The following CAPRIN1 variants were observed in gnomAD, a reference collection of about 807,000 sequenced individuals.
CAPRIN1 encodes cell cycle associated protein 1.
CAPRIN1 carries 29 observed loss-of-function variants against 100.9 expected under a neutral mutation model. That is an observed-to-expected ratio of 0.29 (90% CI 0.21 to 0.39). CAPRIN1 has a LOEUF of 0.39. CAPRIN1 is among the 10% of genes least tolerant of loss of function. The pLI is 1.00. For synonymous variants in CAPRIN1, 338 were observed against 307.5 expected (o/e 1.10, Z -1.04); for missense variants, 795 against 876.7 (o/e 0.91, Z 1.18).
intron 18 of CAPRIN1, chr11:34,099,015 C>T: frequency 7.8e-7 from 1 of 1,278,640 alleles, no homozygotes; most frequent in Non-Finnish European, 1.0e-6. Flanking sequence ...GATGATGGTG[C>T]CTGGCACATA....
At chr11:34,074,680 C>T (rs962544720) in intron 4 of CAPRIN1, among the ~76,000 whole-genome samples, 10 of 152,158 alleles carry the variant, frequency 6.6e-5, no homozygotes, top group Admixed American at 2.6e-4. Flanking sequence ...GTCAGAAGTT[C>T]GAGACCAGCC....
In CAPRIN1 at chr11:34,071,942, G is replaced by A. The variant is rs1252386202; in HGVS notation, c.321G>A (p.Glu107=). ...ACCAGGAAGTCACAAATAATTTGGA[G>A]TTTGCAAAAGAATTACAGAGGAGTT... The part of the protein sequence containing the change: ...SKYQEVTNNL[E]FAKELQRSFM... The change falls in exon 4 of 19, where the codon GAG becomes GAA. Residue 107 remains glutamate, a synonymous_variant. Coordinates refer to ENST00000341394, the MANE Select transcript of CAPRIN1 (RefSeq NM_005898.5). The A allele has an allele frequency of 6.2e-7, 1 of 1,613,350 alleles. No individual in the cohort carries two copies. Among genetic ancestry groups the A allele is most frequent in the Non-Finnish European group, 8.5e-7 (1 of 1,179,614 alleles).
At position 34,101,995 on chromosome 11, in the gene CAPRIN1, G is replaced by A. The variant is rs1420480231; in HGVS notation, c.*2628G>A. On this transcript the variant is annotated 3_prime_UTR_variant, in exon 19 of 19. Transcript: ENST00000341394. Reference sequence around the variant, plus strand: ...AATGTTATTGATTACCTTGATTAGGGCAGTTTTATTTCCAGATCCTAATAA... The same window carrying A: ...AATGTTATTGATTACCTTGATTAGGACAGTTTTATTTCCAGATCCTAATAA... Among the ~76,000 whole-genome samples, 2 of 151,986 alleles carry A rather than the reference G, an allele frequency of 1.3e-5. No individual in the cohort carries two copies. Among genetic ancestry groups the A allele is most frequent in the African/African-American group, 2.4e-5 (1 of 41,356 alleles).
intron 4 of CAPRIN1, 108 bp downstream of exon 4, chr11:34,072,095 C>A: frequency 1.5e-6 from 1 of 653,876 alleles, no homozygotes; most frequent in Non-Finnish European, 2.7e-6. Flanking sequence ...ACAGTTGTAT[C>A]CAATTATATC....
intron 6 of CAPRIN1, 27 bp downstream of exon 6, chr11:34,076,669 T>A: frequency 7.0e-7 from 1 of 1,438,762 alleles, no homozygotes; most frequent in Non-Finnish European, 9.7e-7. Context: ...TAACTTTGAT[T>A]TTATAACTAG....
At position 34,080,082 on chromosome 11, in the gene CAPRIN1, C is replaced by T. The variant is rs557679075; in HGVS notation, c.826+317C>T. Among the ~76,000 whole-genome samples, 3 of 152,056 alleles carry T rather than the reference C, an allele frequency of 2.0e-5. No homozygotes were observed. In the South Asian group the frequency reaches 6.3e-4, roughly 32 times the overall value. The stretch of plus-strand genomic sequence containing the variant: ...GTGACTACAGGCGCCCGCCACCACG[C>T]CCGGCTATTTTTTTGAATTTTTAGT... On this transcript the variant is annotated intron_variant, in intron 7 of 18. Coordinates refer to ENST00000341394, the MANE Select transcript of CAPRIN1 (RefSeq NM_005898.5).
At chr11:34,086,525 C>T in intron 11 of CAPRIN1, 112 bp downstream of exon 11, 1 of 602,818 alleles carries the variant, frequency 1.7e-6, no homozygotes, top group Non-Finnish European at 2.9e-6. Context: ...TTAATTTTGA[C>T]TCTTAGGTCT....
intron 2 of CAPRIN1, 171 bp downstream of exon 2, chr11:34,052,807 C>T: frequency 6.9e-7 from 1 of 1,449,154 alleles, no homozygotes; most frequent in Non-Finnish European, 9.1e-7. Flanking sequence ...GAGCTTCGTG[C>T]CCAGAAAACG....
intron 2 of CAPRIN1, among the ~76,000 whole-genome samples, chr11:34,064,995 T>A (rs1850659025): frequency 1.4e-5 from 2 of 140,208 alleles, no homozygotes; most frequent in Non-Finnish European, 3.0e-5. Context: ...AGTCTCGCTC[T>A]GTTGCCCAGG....
chr11:34,054,672 C>T (rs1423889759), intron 2 of CAPRIN1, among the ~76,000 whole-genome samples: 2 of 152,158 alleles, frequency 1.3e-5, no homozygotes, highest in African/African-American at 4.8e-5. Context: ...CCTGATCCGC[C>T]CGCCTTGGTC....
At chr11:34,079,904 AGTTTTTTTTTTTTTTTTTTTT>A in intron 7 of CAPRIN1, 139 bp downstream of exon 7, 2 of 496,814 alleles carry the variant, frequency 4.0e-6, no homozygotes, top group Non-Finnish European at 6.3e-6. Flanking sequence ...AGCATGACAA[AGTTTTTTTTTTTTTTTTTTTT>A]TTTTTTTTTT....
chr11:34,061,397 C>T (rs1240378918), intron 2 of CAPRIN1, among the ~76,000 whole-genome samples: 4 of 151,488 alleles, frequency 2.6e-5, no homozygotes, highest in South Asian at 2.1e-4. Flanking sequence ...TAGTAGAGAC[C>T]AGGTTTCATC....
intron 16 of CAPRIN1, 30 bp downstream of exon 16, chr11:34,096,703 A>G (rs1034364736): frequency 1.3e-6 from 2 of 1,498,408 alleles, no homozygotes; most frequent in African/African-American, 2.8e-5. Context: ...GGTTCTAATG[A>G]CCTTTTACTA....
intron 2 of CAPRIN1, among the ~76,000 whole-genome samples, chr11:34,066,228 C>T (rs183857811): frequency 6.6e-6 from 1 of 152,288 alleles, no homozygotes; most frequent in East Asian, 1.9e-4. Flanking sequence ...ATGGTTTCCT[C>T]ACCTTGGCCT....
intron 2 of CAPRIN1, among the ~76,000 whole-genome samples, chr11:34,055,295 C>T (rs905175027): frequency 1.3e-5 from 2 of 152,040 alleles, no homozygotes; most frequent in Non-Finnish European, 2.9e-5. Context: ...TCCTAAGTAG[C>T]TGTGATTACA....
chr11:34,079,905 G>GTTTTTTTTTTTTTTTTTT (rs377455073), intron 7 of CAPRIN1, 140 bp downstream of exon 7: 1 of 316,640 alleles, frequency 3.2e-6, no homozygotes, highest in African/African-American at 2.9e-5. Flanking sequence ...GCATGACAAA[G>GTTTTTTTTTTTTTTTTTT]TTTTTTTTTT....
intron 2 of CAPRIN1, among the ~76,000 whole-genome samples, chr11:34,070,768 T>C (rs1850791001): frequency 6.6e-6 from 1 of 151,856 alleles, no homozygotes; most frequent in African/African-American, 2.4e-5. Flanking sequence ...AATGGTGCGA[T>C]CTCGGCTCAC....
intron 2 of CAPRIN1, among the ~76,000 whole-genome samples, chr11:34,057,812 A>T (rs1258444414): frequency 1.3e-5 from 2 of 151,956 alleles, no homozygotes; most frequent in East Asian, 3.9e-4. Context: ...TCCCCCTCCC[A>T]GGTTCAAGCT....
At chr11:34,098,198 G>T (rs554006547) in intron 18 of CAPRIN1, 1 of 994,390 alleles carries the variant, frequency 1.0e-6, no homozygotes, top group African/African-American at 1.7e-5. Context: ...TTAATGGCCG[G>T]ATAAGCCATA....
Sources: allele counts gnomAD v4.1 joint callset (sites outside exome capture counted in the v4.1 genomes callset), GRCh38; gene constraint gnomAD v4.1.1; transcripts MANE v1.5; gene names NCBI Gene and HGNC (gene_info 2026-07-23, HGNC 2026-07-21).